Variants in CLNK observed in about 807,000 individuals in gnomAD.
CLNK encodes cytokine dependent hematopoietic cell linker, also known as cytokine-dependent hematopoietic cell linker.
In CLNK, 74 loss-of-function variants were observed where a neutral mutation model predicts 68.6. The observed-to-expected ratio is 1.08, with a 90% CI of 0.89 to 1.31. The LOEUF (loss-of-function observed/expected upper bound fraction) is 1.31. CLNK is among the 50% of genes most tolerant of loss of function. CLNK has a pLI of 0.00. For synonymous variants in CLNK, 198 were observed against 172.2 expected (o/e 1.15, Z -1.17); for missense variants, 553 against 515.3 (o/e 1.07, Z -0.71).
At chr4:10,730,042 T>C in the CLNK span, among the ~76,000 whole-genome samples, 25 of 152,152 alleles carry the variant, frequency 1.6e-4, no homozygotes, top group Admixed American at 1.6e-3. Flanking sequence ...GGATGCTGAG[T>C]AGCACAATGT....
At chr4:10,541,873 A>T (rs2108809059) in intron 10 of CLNK, 149 bp downstream of exon 10, 1 of 652,100 alleles carries the variant, frequency 1.5e-6, no homozygotes, top group South Asian at 1.8e-5. Context: ...TGAACATCTC[A>T]TATTAGTTTT....
At chr4:10,734,601 A>C in the CLNK span, among the ~76,000 whole-genome samples, 2 of 152,236 alleles carry the variant, frequency 1.3e-5, no homozygotes, top group Admixed American at 1.3e-4. Flanking sequence ...TGTCTTCTAG[A>C]TTATGGCCAA....
chr4:10,706,976 T>A, the CLNK span, among the ~76,000 whole-genome samples: 1 of 152,134 alleles, frequency 6.6e-6, no homozygotes, highest in Non-Finnish European at 1.5e-5. Flanking sequence ...CAGACAGGGT[T>A]TCACCACGTT....
At chr4:10,506,772 T>C (rs1193539868) in intron 17 of CLNK, among the ~76,000 whole-genome samples, 1 of 152,196 alleles carries the variant, frequency 6.6e-6, no homozygotes, top group Non-Finnish European at 1.5e-5. Flanking sequence ...ATAATTAGCA[T>C]GACCAAGCCT....
chr4:10,699,512 AT>A, the CLNK span, among the ~76,000 whole-genome samples: 1,004 of 32,756 alleles, frequency 0.031, 49 homozygotes, highest in African/African-American at 0.11. Context: ...ATATATATAT[AT>A]TTTTTTTTTT....
chr4:10,681,332 G>A (rs1254175387), intron 1 of CLNK, among the ~76,000 whole-genome samples: 1 of 152,216 alleles, frequency 6.6e-6, no homozygotes, highest in Non-Finnish European at 1.5e-5. Flanking sequence ...CTTCAAAACT[G>A]ATGGTGAAAT....
upstream of CLNK, among the ~76,000 whole-genome samples, chr4:10,687,228 A>G (rs528114560): frequency 1.3e-5 from 2 of 151,174 alleles, no homozygotes; most frequent in African/African-American, 2.4e-5. Flanking sequence ...ACTTGTCCCT[A>G]CCTTCATGGA....
At position 10,524,546 on chromosome 4, in the gene CLNK, G is replaced by A. The variant is rs182063394; in HGVS notation, c.731+1295C>T. Among the ~76,000 whole-genome samples, 1,347 of 152,230 alleles carry A rather than the reference G, an allele frequency of 8.8e-3. 22 individuals carry two copies. The highest frequency in any genetic ancestry group is 0.03 in the African/African-American group (1,261 of 41,534). ...TAAATAATTATTGAATCAATTAAAG[G>A]GAGCTTTTTAGCAGGCACCAGGGAT... On this transcript the variant is annotated intron_variant, in intron 14 of 18. Coordinates refer to ENST00000226951, the MANE Select transcript of CLNK (RefSeq NM_052964.4).
At chr4:10,705,964 C>A in the CLNK span, among the ~76,000 whole-genome samples, 1 of 152,200 alleles carries the variant, frequency 6.6e-6, no homozygotes, top group Non-Finnish European at 1.5e-5. Flanking sequence ...TATGTGTGAT[C>A]CTGGAAAGGC....
chr4:10,565,912 T>C, intron 6 of CLNK, 97 bp downstream of exon 6: 1 of 1,342,452 alleles, frequency 7.4e-7, no homozygotes, highest in Non-Finnish European at 1.0e-6. Context: ...GACGTTAACC[T>C]AGGGTTGTTT....
chr4:10,658,907 T>C (rs1724085564), intron 2 of CLNK, among the ~76,000 whole-genome samples: 1 of 152,178 alleles, frequency 6.6e-6, no homozygotes, highest in Non-Finnish European at 1.5e-5. Context: ...TTGGAAAGTA[T>C]TAGATTGGTG....
chr4:10,513,906 G>A (rs1717716755), intron 15 of CLNK, among the ~76,000 whole-genome samples: 2 of 139,200 alleles, frequency 1.4e-5, no homozygotes, highest in Admixed American at 1.5e-4. Context: ...TGTGCACATT[G>A]TGCAGGTTAG....
intron 11 of CLNK, among the ~76,000 whole-genome samples, chr4:10,537,477 CA>C (rs1448806913): frequency 1.3e-5 from 2 of 151,758 alleles, no homozygotes; most frequent in Non-Finnish European, 2.9e-5. Context: ...GATTCCATCT[CA>C]AAAAAATATA....
rs1370690204 is a variant in CLNK, at chr4:10,486,908, A to G, written c.*3559T>C. 6.6e-6 allele frequency: 1 copy of G among 152,216 alleles called. No homozygotes were observed. The highest frequency in any genetic ancestry group is 1.9e-4 in the East Asian group (1 of 5,200). The allele number at this position is 152,216 out of a possible 1,614,324, so 9.4% of individuals were successfully genotyped here. ...TTGTTTGTATATTTATTTGTCATCT[A>G]TCTCTCTTATTCACTGCTCTATTTT... On this transcript the variant is annotated 3_prime_UTR_variant, in exon 19 of 19. Transcript: ENST00000226951.
the CLNK span, among the ~76,000 whole-genome samples, chr4:10,704,375 A>G: frequency 3.6e-4 from 55 of 152,352 alleles, no homozygotes; most frequent in African/African-American, 1.3e-3. Flanking sequence ...ATAATAACTT[A>G]GAATCATTTT....
Position 10,507,944 on chromosome 4 carries a change from C to T in CLNK, c.984+15G>A, listed in dbSNP as rs762124453. The T allele has an allele frequency of 8.8e-6, 14 of 1,585,770 alleles. No individual in the cohort carries two copies. The highest frequency in any genetic ancestry group is 5.3e-5 in the Admixed American group (3 of 56,912). ...CTATAGAAACAATAATGATGGGCCA[C>T]GTAGAAGGCATTACCTTGTTCTCCT... is the stretch of plus-strand genomic sequence containing the variant. On this transcript the variant is annotated intron_variant, in intron 17 of 18. Transcript: ENST00000226951.
chr4:10,591,325 C>T (rs911775604), intron 3 of CLNK, among the ~76,000 whole-genome samples: 2 of 152,194 alleles, frequency 1.3e-5, no homozygotes, highest in African/African-American at 2.4e-5. Context: ...CCAATGCCCT[C>T]TTCTCCTTAT....
intron 14 of CLNK, among the ~76,000 whole-genome samples, chr4:10,524,586 G>C (rs754334072): frequency 6.6e-6 from 1 of 152,144 alleles, no homozygotes; most frequent in Non-Finnish European, 1.5e-5. Context: ...AGGATTTATG[G>C]GCTGCATTTT....
rs1441209157 is a variant in CLNK, at chr4:10,555,201, A to C, written c.445+3206T>G. Among the ~76,000 whole-genome samples the C allele has an allele frequency of 5.3e-5, 8 of 152,206 alleles. No homozygotes were observed. In the South Asian group the frequency reaches 1.7e-3, roughly 32 times the overall value. ...GATATACATGTTCACTAGCCTAGGC[A>C]TAATTTTTTTTTTCTTTTCTTGGAG... On this transcript the variant is annotated intron_variant, in intron 8 of 18. Coordinates refer to ENST00000226951, the MANE Select transcript of CLNK (RefSeq NM_052964.4).
Sources: allele counts gnomAD v4.1 joint callset (sites outside exome capture counted in the v4.1 genomes callset), GRCh38; gene constraint gnomAD v4.1.1; transcripts MANE v1.5; gene names NCBI Gene and HGNC (gene_info 2026-07-23, HGNC 2026-07-21).